The following POM121 variants were observed in gnomAD, a reference collection of about 807,000 sequenced individuals.
POM121 encodes the protein nuclear envelope pore membrane protein POM 121.
POM121 carries 32 observed loss-of-function variants against 81.3 expected under a neutral mutation model. The observed-to-expected ratio is 0.39, with a 90% CI of 0.30 to 0.53. The LOEUF (loss-of-function observed/expected upper bound fraction) is 0.53. POM121 is among the 20% of genes least tolerant of loss of function. The pLI, the probability that POM121 is intolerant of heterozygous loss-of-function variation, is 0.66. For synonymous variants in POM121, 514 were observed against 694.2 expected, an observed-to-expected ratio of 0.74 and a Z score of 4.08; for missense variants, 1,138 against 1,614.6, an observed-to-expected ratio of 0.70 and a Z score of 5.06.
intron 10 of POM121, among the ~76,000 whole-genome samples, chr7:72,941,313 C>T (rs1254038499): frequency 2.0e-5 from 3 of 152,060 alleles, no homozygotes; most frequent in East Asian, 3.9e-4. Flanking sequence ...GTCAGGATAT[C>T]CTTGCCTGTC....
intron 3 of POM121, among the ~76,000 whole-genome samples, chr7:72,893,513 G>A (rs1791521942): frequency 2.0e-5 from 3 of 152,072 alleles, no homozygotes; most frequent in Non-Finnish European, 4.4e-5. Context: ...GAACCCGGGA[G>A]GCAGAGCTTG....
intron 3 of POM121, among the ~76,000 whole-genome samples, chr7:72,897,691 C>A (rs1227792600): frequency 6.6e-6 from 1 of 152,140 alleles, no homozygotes; most frequent in Non-Finnish European, 1.5e-5. Context: ...AGAGAGGCAG[C>A]TGCAGATAGA....
chr7:72,943,220 C>T lies in POM121; in HGVS notation c.3227C>T (p.Thr1076Ile), dbSNP rs1554502239. The change falls in exon 11 of 13, where the codon ACC becomes ATC. Residue 1076 changes from threonine to isoleucine, a missense_variant. Physicochemically the swap from Thr to Ile is moderately conservative, Grantham distance 89. Transcript: ENST00000434423. ...GCCACCAGCTCCGGCTTTGGAGCCA[C>T]CACCCAGACCGCCAGCAGCGGGAGC... ...GAATSSGFGA[T>I]TQTASSGSSS... is the part of the protein sequence containing the mutation. 6.2e-7 allele frequency: 1 copy of T among 1,612,914 alleles called. No homozygotes were observed. Among genetic ancestry groups the T allele is most frequent in the Non-Finnish European group, 8.5e-7 (1 of 1,179,762 alleles).
chr7:72,919,820 C>G (rs2129577056), intron 4 of POM121, among the ~76,000 whole-genome samples: 1 of 152,240 alleles, frequency 6.6e-6, no homozygotes, highest in East Asian at 1.9e-4. Context: ...ACATAAAATT[C>G]TAGGTTTGCA....
At chr7:72,890,782 T>A in intron 2 of POM121, 1 of 1,594,706 alleles carries the variant, frequency 6.3e-7, no homozygotes, top group South Asian at 1.1e-5. Context: ...CTGAATGCTC[T>A]CAGTTGAATG....
At chr7:72,891,334 C>G (rs1791278347) in intron 3 of POM121, among the ~76,000 whole-genome samples, 1 of 150,874 alleles carries the variant, frequency 6.6e-6, no homozygotes, top group East Asian at 1.9e-4. Flanking sequence ...CATTCACTTC[C>G]TCTTCCTCCA....
In POM121 at chr7:72,893,688, G is replaced by A. The variant is rs548897917; in HGVS notation, c.-216+2578G>A. Among the ~76,000 whole-genome samples, 8 of 152,330 alleles carry A rather than the reference G, an allele frequency of 5.3e-5. No individual in the cohort carries two copies. The East Asian group carries it at 7.7e-4, about 15-fold the overall frequency. The stretch of plus-strand genomic sequence containing the variant: ...TGAGCAATAAACTTTAGCATTGTGC[G>A]TTGTGTGCCGGGTTTTGTCAAGCAC... On this transcript the variant is annotated intron_variant, in intron 3 of 15. Coordinates refer to the POM121 transcript ENST00000395270.
exon 1 of POM121, chr7:72,879,865 A>C (rs577884544): frequency 3.0e-4 from 156 of 513,686 alleles, no homozygotes; most frequent in Admixed American, 6.5e-4. Flanking sequence ...CGTGGGGCAG[A>C]GGCTGCAGAG....
At chr7:72,941,434 G>C (rs1290738419) in intron 10 of POM121, among the ~76,000 whole-genome samples, 2 of 148,824 alleles carry the variant, frequency 1.3e-5, no homozygotes, top group South Asian at 2.2e-4. Context: ...CTCTTTATCA[G>C]ACGGTAACCT....
intron 1 of POM121, among the ~76,000 whole-genome samples, chr7:72,884,919 A>G (rs1256099676): frequency 6.6e-6 from 1 of 152,158 alleles, no homozygotes; most frequent in African/African-American, 2.4e-5. Context: ...CATTGATTTA[A>G]TACTTTTATC....
At chr7:72,944,786 A>C (rs1554502782) in intron 11 of POM121, among the ~76,000 whole-genome samples, 1 of 151,628 alleles carries the variant, frequency 6.6e-6, no homozygotes, top group African/African-American at 2.4e-5. Context: ...GAGTGGTGGC[A>C]GGGGTCGGGG....
At chr7:72,932,584 C>G (rs1187754719) in intron 5 of POM121, among the ~76,000 whole-genome samples, 4 of 152,082 alleles carry the variant, frequency 2.6e-5, no homozygotes, top group Non-Finnish European at 5.9e-5. Flanking sequence ...AGTCAGATTC[C>G]CAGGTCAAAG....
At chr7:72,908,493 G>A (rs1251372914) in intron 3 of POM121, among the ~76,000 whole-genome samples, 1 of 152,120 alleles carries the variant, frequency 6.6e-6, no homozygotes, top group Admixed American at 6.6e-5. Context: ...TGAAGTTTTG[G>A]GCATGCATTG....
chr7:72,932,306 C>G (rs1234232090), intron 5 of POM121, among the ~76,000 whole-genome samples: 3 of 151,512 alleles, frequency 2.0e-5, no homozygotes, highest in African/African-American at 7.3e-5. Context: ...ATCAGTGTAT[C>G]TGAAAACCGC....
exon 1 of POM121, chr7:72,879,468 G>C (rs1396174874): frequency 2.7e-5 from 6 of 225,090 alleles, no homozygotes; most frequent in African/African-American, 1.4e-4. Flanking sequence ...TGACCGCCCG[G>C]GCCAGCACCT....
At chr7:72,949,162 C>T (rs1797913896), downstream of POM121, 5 of 1,303,950 alleles carry the variant, frequency 3.8e-6, no homozygotes, top group Non-Finnish European at 5.5e-6. Context: ...CTGAAATCCT[C>T]GCTCCTGAAA....
intron 3 of POM121, among the ~76,000 whole-genome samples, chr7:72,898,902 G>A (rs1267958243): frequency 2.6e-5 from 4 of 151,148 alleles, no homozygotes; most frequent in Admixed American, 2.6e-4. Context: ...GTTTGTCTCC[G>A]ACTGGCGAGG....
chr7:72,920,155 A>G (rs1285349174), upstream of POM121, among the ~76,000 whole-genome samples: 2 of 152,130 alleles, frequency 1.3e-5, no homozygotes, highest in Non-Finnish European at 2.9e-5. Flanking sequence ...CATGTGGGAT[A>G]TAGTTAAAAT....
chr7:72,948,995 A>C (rs782658878), downstream of POM121: 96 of 1,610,900 alleles, frequency 6.0e-5, no homozygotes, highest in Non-Finnish European at 8.1e-5. Flanking sequence ...AGGGAAGGGA[A>C]AGTGAGCGCG....
Sources: gnomAD v4.1 joint callset for allele counts (sites outside exome capture counted in the v4.1 genomes callset) on GRCh38, gnomAD v4.1.1 for gene constraint, MANE v1.5 for transcripts, NCBI Gene and HGNC (gene_info 2026-07-23, HGNC 2026-07-21) for gene names.